NFIC: variants seen among roughly 807,000 people sequenced by gnomAD.
NFIC encodes the protein nuclear factor I C.
A neutral mutation model predicts 54.4 loss-of-function variants in NFIC; 12 were observed. The observed-to-expected ratio is 0.22, with a 90% CI of 0.14 to 0.36. The LOEUF (loss-of-function observed/expected upper bound fraction) is 0.36. NFIC is among the 10% of genes least tolerant of loss of function. The probability of loss-of-function intolerance (pLI) is 1.00; values close to 1 mark genes in which losing one functional copy is unlikely to be tolerated. For synonymous variants in NFIC, 322 were observed against 319.2 expected (o/e 1.01, Z -0.09); for missense variants, 575 against 718.2 (o/e 0.80, Z 2.28).
intron 6 of NFIC, 24 bp from the exon 7 acceptor site, chr19:3,448,988 ACT>A (rs772101463): frequency 3.1e-6 from 5 of 1,600,378 alleles, no homozygotes; most frequent in Admixed American, 3.4e-5. Flanking sequence ...CCAGCCTGTG[ACT>A]CTCTCGTCCC....
chr19:3,393,782 A>G (rs191027157), intron 2 of NFIC, among the ~76,000 whole-genome samples: 1 of 135,272 alleles, frequency 7.4e-6, no homozygotes, highest in African/African-American at 2.8e-5. Flanking sequence ...GTGCCACTGC[A>G]CTCCAGCCTG....
At position 3,370,412 on chromosome 19, in the gene NFIC, C is replaced by T. The variant is rs1034665265; in HGVS notation, c.30+3746C>T. Among the ~76,000 whole-genome samples the T allele has an allele frequency of 2.6e-5, 4 of 151,828 alleles. No homozygotes were observed. The highest frequency in any genetic ancestry group is 4.4e-5 in the Non-Finnish European group (3 of 67,920). On this transcript the variant is annotated intron_variant, in intron 1 of 10. Transcript: ENST00000443272. This position sits in a 1 kb window ranked among gnomAD's most constrained non-coding sequence, Gnocchi z 5.2. ...CCCTCCCCTCTCTGCGGCGGAGGTGCCTCTGCGCGCCAGGGCCAAGCGCCC... is the reference window on the plus strand; with the variant it reads ...CCCTCCCCTCTCTGCGGCGGAGGTGTCTCTGCGCGCCAGGGCCAAGCGCCC...
In NFIC at chr19:3,464,046, G is replaced by A. The variant is rs946132973; in HGVS notation, c.*1277G>A. ...CGCAAGCGTCCTGCCCTGCCGGGGC[G>A]CGGGGGTGGGCTCTGGGGAAGCCGG... On this transcript the variant is annotated 3_prime_UTR_variant, in exon 11 of 11. Transcript: ENST00000443272. 1.2e-5 allele frequency: 12 copies of A among 985,266 alleles called. No homozygotes were observed. Among genetic ancestry groups the A allele is most frequent in the Middle Eastern group, 5.2e-4 (1 of 1,916 alleles). 61.0% of individuals were successfully genotyped at this position (985,266 alleles called of 1,614,324 possible).
intron 2 of NFIC, among the ~76,000 whole-genome samples, chr19:3,399,447 G>C (rs1006934127): frequency 3.3e-5 from 5 of 152,064 alleles, no homozygotes; most frequent in Admixed American, 2.6e-4. Context: ...ATGGTGATGT[G>C]TGCCTGTAGC....
At chr19:3,436,319 T>TATTTA (rs1568182142) in intron 6 of NFIC, among the ~76,000 whole-genome samples, 1 of 140,656 alleles carries the variant, frequency 7.1e-6, no homozygotes, top group African/African-American at 2.8e-5. Context: ...ATTTTTTTTT[T>TATTTA]TTTTTTTTTT....
intron 3 of NFIC, among the ~76,000 whole-genome samples, chr19:3,425,674 G>A (rs547259418): frequency 6.6e-5 from 10 of 152,096 alleles, no homozygotes; most frequent in East Asian, 5.8e-4. Flanking sequence ...TGGCCAGGTC[G>A]GTCTTGAACT....
intron 5 of NFIC, 47 bp from the exon 6 acceptor site, chr19:3,435,036 C>T: frequency 1.3e-6 from 2 of 1,517,096 alleles, no homozygotes; most frequent in Non-Finnish European, 1.8e-6. Context: ...CGCCCCCCGC[C>T]CCGCGTCTCC....
chr19:3,449,068 C>T lies in NFIC; in HGVS notation c.1013C>T (p.Pro338Leu), dbSNP rs776854619. Residue 338 changes from proline (P) to leucine (L), a missense_variant, in exon 7 of 11, where the codon CCG becomes CTG. By Grantham distance (98) the Pro-to-Leu change is moderately conservative. Transcript: ENST00000443272. ...TEMDKSPFNS[P>L]SPQDSPRLSS... is the part of the protein sequence containing the mutation. ...ATGGACAAGTCACCATTCAACAGCC[C>T]GTCCCCCCAGGACTCTCCCCGCCTC... 4.0e-5 allele frequency: 64 copies of T among 1,613,352 alleles called. No individual in the cohort carries two copies. The highest frequency in any genetic ancestry group is 4.9e-5 in the Non-Finnish European group (58 of 1,179,776).
In NFIC at chr19:3,370,607, G is replaced by A. The variant is rs903881593; in HGVS notation, c.30+3941G>A. ...CCTCTTCCTTTCTCTCTCTCTCCCC[G>A]TCTCCCTTCTCTCCCTCTCTCCTTC... On this transcript the variant is annotated intron_variant, in intron 1 of 10. Transcript: ENST00000443272. This position sits in a 1 kb window ranked among gnomAD's most constrained non-coding sequence, Gnocchi z 5.2. Among the ~76,000 whole-genome samples, 43 of 139,366 alleles carry A rather than the reference G, an allele frequency of 3.1e-4. No homozygotes were observed. The highest frequency in any genetic ancestry group is 1.1e-3 in the African/African-American group (42 of 36,646). The allele number at this position is 139,366 out of a possible 152,430, so 91.4% of individuals were successfully genotyped here.
intron 3 of NFIC, among the ~76,000 whole-genome samples, chr19:3,429,340 A>C (rs1386957000): frequency 6.8e-6 from 1 of 146,972 alleles, no homozygotes; most frequent in Admixed American, 7.0e-5. Context: ...GCTACTTGGG[A>C]GGCTGAGGTG....
At position 3,381,915 on chromosome 19, in the gene NFIC, C is replaced by G. The variant is rs1176064108; in HGVS notation, c.234C>G (p.Ala78=). The change falls in exon 2 of 11, where the codon GCC becomes GCG. Residue 78 remains alanine, a synonymous_variant. Transcript: ENST00000443272. ...AGAAGTGGGCGTCGCGGCTGCTGGC[C>G]AAGCTGCGCAAGGACATCCGGCCCG... The part of the protein sequence containing the change: ...VKQKWASRLL[A]KLRKDIRPEC... 1.2e-6 allele frequency: 2 copies of G among 1,613,712 alleles called. No individual in the cohort carries two copies. Among genetic ancestry groups the G allele is most frequent in the East Asian group, 4.5e-5 (2 of 44,876 alleles).
intron 1 of NFIC, among the ~76,000 whole-genome samples, chr19:3,380,069 C>T (rs1028744249): frequency 2.1e-4 from 31 of 149,984 alleles, no homozygotes; most frequent in Admixed American, 5.3e-4. Flanking sequence ...GGCGCAATCT[C>T]GGCTCACTGC....
chr19:3,378,229 C>A (rs1309838404), intron 1 of NFIC, among the ~76,000 whole-genome samples: 1 of 150,386 alleles, frequency 6.6e-6, no homozygotes, highest in East Asian at 2.0e-4. Context: ...CCACTGCACT[C>A]CAGCCTGGGT....
At chr19:3,364,246 C>T (rs2080854139), upstream of NFIC, among the ~76,000 whole-genome samples, 2 of 152,054 alleles carry the variant, frequency 1.3e-5, no homozygotes, top group Middle Eastern at 6.8e-3. Context: ...ACATGCAGGT[C>T]CCAATCTACC....
intron 2 of NFIC, among the ~76,000 whole-genome samples, chr19:3,397,224 A>G (rs1450142909): frequency 6.6e-6 from 1 of 152,200 alleles, no homozygotes; most frequent in African/African-American, 2.4e-5. Flanking sequence ...AGGCAAAGTC[A>G]CTGGCCTAAG....
chr19:3,433,007 C>T (rs937358443), intron 3 of NFIC, among the ~76,000 whole-genome samples: 1 of 151,764 alleles, frequency 6.6e-6, no homozygotes, highest in Non-Finnish European at 1.5e-5. Flanking sequence ...CCCTGTTTCC[C>T]AGGCTGGAGT....
At chr19:3,365,763 A>G (rs58109510), upstream of NFIC, among the ~76,000 whole-genome samples, 418 of 152,236 alleles carry the variant, frequency 2.7e-3, 4 homozygotes, top group African/African-American at 9.7e-3. Context: ...CTGGAGAGAC[A>G]CACAGGCGAG....
intron 2 of NFIC, among the ~76,000 whole-genome samples, chr19:3,403,885 CG>C (rs2081597362): frequency 6.6e-6 from 1 of 151,948 alleles, no homozygotes; most frequent in Non-Finnish European, 1.5e-5. Flanking sequence ...AGAGTGTCCT[CG>C]GGCGCTTCCG....
At chr19:3,415,634 C>T (rs192563391) in intron 2 of NFIC, among the ~76,000 whole-genome samples, 4 of 152,010 alleles carry the variant, frequency 2.6e-5, no homozygotes, top group Admixed American at 2.0e-4. Context: ...CTGTAGCCCC[C>T]CAACCCCTGC....
Sources: gnomAD v4.1 joint callset for allele counts (sites outside exome capture counted in the v4.1 genomes callset) on GRCh38, gnomAD v4.1.1 for gene constraint, Gnocchi (gnomAD v3.1) non-coding constraint, MANE v1.5 for transcripts, NCBI Gene and HGNC (gene_info 2026-07-23, HGNC 2026-07-21) for gene names.